Variants in KCNIP4 observed in about 807,000 individuals in gnomAD.
KCNIP4 encodes the protein potassium voltage-gated channel interacting protein 4.
In KCNIP4, 12 loss-of-function variants were observed where a neutral mutation model predicts 34.0. That is an observed-to-expected ratio of 0.35 (90% CI 0.23 to 0.57). KCNIP4 has a LOEUF of 0.57. Among genes scored for constraint, KCNIP4 ranks in the 20% least tolerant of loss-of-function variants. KCNIP4 has a pLI of 0.83. For missense variants in KCNIP4, 238 were observed against 311.7 expected (o/e 0.76, Z 1.78); for synonymous variants, 124 against 102.2 (o/e 1.21, Z -1.29).
intron 1 of KCNIP4, among the ~76,000 whole-genome samples, chr4:21,088,782 C>T (rs1746703246): frequency 6.6e-6 from 1 of 152,064 alleles, no homozygotes; most frequent in African/African-American, 2.4e-5. Context: ...ACATCTTTTT[C>T]CCCCCGCCCA....
chr4:21,022,363 T>A (rs1423361056), intron 1 of KCNIP4, among the ~76,000 whole-genome samples: 2 of 152,234 alleles, frequency 1.3e-5, no homozygotes, highest in Non-Finnish European at 2.9e-5. Context: ...AAACCCATTC[T>A]TTTTTCCATT....
chr4:21,818,203 A>G (rs982638222), intron 1 of KCNIP4, among the ~76,000 whole-genome samples: 1 of 152,152 alleles, frequency 6.6e-6, no homozygotes, highest in Non-Finnish European at 1.5e-5. Flanking sequence ...GCCGACACTT[A>G]TGGAAAATAG....
chr4:21,683,246 A>G (rs1401147275), intron 1 of KCNIP4, among the ~76,000 whole-genome samples: 1 of 152,038 alleles, frequency 6.6e-6, no homozygotes, highest in African/African-American at 2.4e-5. Context: ...AAATTAGGAA[A>G]ATTATTACAA....
At chr4:21,766,260 C>T (rs1718410659) in intron 1 of KCNIP4, among the ~76,000 whole-genome samples, 1 of 152,148 alleles carries the variant, frequency 6.6e-6, no homozygotes, top group Non-Finnish European at 1.5e-5. Flanking sequence ...GAAGGTAGCA[C>T]TGCACTTGGC....
At chr4:21,476,443 T>C (rs568710471) in intron 1 of KCNIP4, among the ~76,000 whole-genome samples, 1 of 152,260 alleles carries the variant, frequency 6.6e-6, no homozygotes, top group Non-Finnish European at 1.5e-5. Context: ...AACTTTGGCC[T>C]CATAAGAAGA....
intron 1 of KCNIP4, among the ~76,000 whole-genome samples, chr4:21,513,816 T>A (rs1175669583): frequency 6.6e-6 from 1 of 152,152 alleles, no homozygotes; most frequent in Non-Finnish European, 1.5e-5. Context: ...AGAATCCAAA[T>A]CCTTGGATGA....
At chr4:21,861,689 C>T (rs1355063800) in intron 1 of KCNIP4, among the ~76,000 whole-genome samples, 1 of 148,700 alleles carries the variant, frequency 6.7e-6, no homozygotes, top group Non-Finnish European at 1.5e-5. Flanking sequence ...CCAGCATCTA[C>T]TTTCACTGCT....
At chr4:20,864,050 A>ATGTT (rs1722515500) in intron 2 of KCNIP4, among the ~76,000 whole-genome samples, 1 of 127,280 alleles carries the variant, frequency 7.9e-6, no homozygotes, top group Non-Finnish European at 1.9e-5. Context: ...ATACGCATGT[A>ATGTT]TGTATACACA....
At chr4:21,830,379 C>T (rs1024605813) in intron 1 of KCNIP4, among the ~76,000 whole-genome samples, 6 of 151,986 alleles carry the variant, frequency 3.9e-5, no homozygotes, top group Non-Finnish European at 8.8e-5. Context: ...TTAATACAAT[C>T]ATAGTAGGAA....
intron 1 of KCNIP4, among the ~76,000 whole-genome samples, chr4:21,611,763 T>C (rs1744178693): frequency 6.8e-6 from 1 of 147,272 alleles, no homozygotes; most frequent in African/African-American, 2.5e-5. Context: ...TTTGGAGGGG[T>C]GGGGGATAAC....
intron 1 of KCNIP4, among the ~76,000 whole-genome samples, chr4:21,914,037 C>T (rs570346158): frequency 6.6e-6 from 1 of 152,132 alleles, no homozygotes; most frequent in Admixed American, 6.6e-5. Context: ...AAGACTAGAG[C>T]CAGCAGAGGC....
In KCNIP4 at chr4:20,749,712, A is replaced by G; in HGVS notation, c.379T>C (p.Phe127Leu). The change falls in exon 5 of 9, where the codon TTT (phenylalanine) becomes CTT (leucine). Residue 127 changes from phenylalanine to leucine, a missense_variant. By Grantham distance (22) the Phe-to-Leu change is conservative. Transcript: ENST00000382152. Reference sequence around the variant, plus strand: ...TCTGTATCAAATGCATTGAACAGAAAATGTGCATATGTTGTAGAGTCTGAA... The same window carrying G: ...TCTGTATCAAATGCATTGAACAGAAGATGTGCATATGTTGTAGAGTCTGAA... ...PQGDSTTYAH[F>L]LFNAFDTDHN... The G allele has an allele frequency of 6.2e-7, 1 of 1,608,986 alleles. No homozygotes were observed. The highest frequency in any genetic ancestry group is 8.5e-7 in the Non-Finnish European group (1 of 1,176,394).
At chr4:21,561,318 T>C (rs1382291878) in intron 1 of KCNIP4, among the ~76,000 whole-genome samples, 1 of 151,944 alleles carries the variant, frequency 6.6e-6, no homozygotes, top group Non-Finnish European at 1.5e-5. Flanking sequence ...TATTAAAAAG[T>C]TTGTTTCTGT....
At chr4:21,463,840 G>C (rs767393712) in intron 1 of KCNIP4, among the ~76,000 whole-genome samples, 13 of 151,798 alleles carry the variant, frequency 8.6e-5, no homozygotes, top group Non-Finnish European at 1.9e-4. Context: ...TCTGGAATTG[G>C]GCTTTAAGTT....
chr4:20,730,388 T>C (rs887588739), intron 8 of KCNIP4, among the ~76,000 whole-genome samples: 2 of 152,168 alleles, frequency 1.3e-5, no homozygotes, highest in Admixed American at 1.3e-4. Flanking sequence ...TTACTTGGTA[T>C]TAATAGAGGA....
At chr4:21,793,685 A>G (rs187441934) in intron 1 of KCNIP4, among the ~76,000 whole-genome samples, 18 of 152,384 alleles carry the variant, frequency 1.2e-4, no homozygotes, top group Admixed American at 3.9e-4. Flanking sequence ...AAAATATTTA[A>G]TTCCATTTAA....
intron 1 of KCNIP4, among the ~76,000 whole-genome samples, chr4:21,602,026 A>G (rs1044504432): frequency 1.3e-5 from 2 of 152,180 alleles, no homozygotes; most frequent in South Asian, 4.1e-4. Flanking sequence ...CCCCTCCCCA[A>G]CGCAATTGTA....
At chr4:21,926,790 A>C (rs1413117527) in intron 1 of KCNIP4, among the ~76,000 whole-genome samples, 1 of 152,188 alleles carries the variant, frequency 6.6e-6, no homozygotes, top group South Asian at 2.1e-4. Flanking sequence ...TAAGAAAAGC[A>C]TATCCATTAT....
intron 1 of KCNIP4, among the ~76,000 whole-genome samples, chr4:21,922,420 G>A (rs1462303543): frequency 2.0e-5 from 3 of 152,092 alleles, no homozygotes; most frequent in Non-Finnish European, 4.4e-5. Flanking sequence ...TAAGTTTATT[G>A]GGTTCTTACG....
Sources: gnomAD v4.1 joint callset for allele counts (sites outside exome capture counted in the v4.1 genomes callset) on GRCh38, gnomAD v4.1.1 for gene constraint, MANE v1.5 for transcripts, NCBI Gene and HGNC (gene_info 2026-07-23, HGNC 2026-07-21) for gene names.